The following ADGRB1 variants were observed in gnomAD, a reference collection of about 807,000 sequenced individuals.
ADGRB1 encodes the protein brain-specific angiogenesis inhibitor 1.
Under a neutral mutation model 175.7 loss-of-function variants are expected in ADGRB1, and 36 were observed. The ratio of observed to expected loss-of-function variants is 0.20; its 90% CI spans 0.16 to 0.27. The LOEUF (loss-of-function observed/expected upper bound fraction) is 0.27. Among genes scored for constraint, ADGRB1 ranks in the 10% least tolerant of loss-of-function variants. ADGRB1 has a pLI of 1.00. For synonymous variants in ADGRB1, 1,054 were observed against 979.4 expected (o/e 1.08, Z -1.42); for missense variants, 1,731 against 2,255.3 (o/e 0.77, Z 4.71).
At chr8:142,491,629 G>T (rs945894859) in intron 17 of ADGRB1, among the ~76,000 whole-genome samples, 1 of 152,204 alleles carries the variant, frequency 6.6e-6, no homozygotes, top group Admixed American at 6.5e-5. Context: ...GTGTGTGGTC[G>T]GGGACCTGGG....
chr8:142,539,514 C>G, intron 27 of ADGRB1, 101 bp downstream of exon 27: 1 of 1,400,590 alleles, frequency 7.1e-7, no homozygotes, highest in Non-Finnish European at 9.8e-7. Flanking sequence ...CATCCCTGTC[C>G]ACTCCTGCTG....
At chr8:142,471,432 C>T (rs533362109) in intron 2 of ADGRB1, among the ~76,000 whole-genome samples, 98 of 152,320 alleles carry the variant, frequency 6.4e-4, no homozygotes, top group Middle Eastern at 3.4e-3. Flanking sequence ...TGGGCAGAGA[C>T]TTGTCCAAGG....
chr8:142,464,468 C>A lies in ADGRB1; in HGVS notation c.270C>A (p.Pro90=). ...YTLYMKVAKA[P]VPCSGPGRVR... ...TCTACATGAAGGTGGCCAAGGCGCC[C>A]GTGCCCTGCAGCGGCCCCGGCCGCG... The change falls in exon 2 of 31, where the codon CCC becomes CCA. Residue 90 remains proline (P), a synonymous_variant. Transcript: ENST00000517894. The A allele has an allele frequency of 6.3e-7, 1 of 1,580,988 alleles. No homozygotes were observed. The highest frequency in any genetic ancestry group is 1.4e-5 in the African/African-American group (1 of 73,194).
chr8:142,509,453 T>A (rs1384287723), intron 17 of ADGRB1, among the ~76,000 whole-genome samples: 14 of 151,646 alleles, frequency 9.2e-5, no homozygotes. Flanking sequence ...CGTGTGGGGG[T>A]GGCTCTCCAG....
chr8:142,500,143 G>C (rs939907705), intron 17 of ADGRB1, among the ~76,000 whole-genome samples: 8 of 151,940 alleles, frequency 5.3e-5, no homozygotes, highest in African/African-American at 1.9e-4. Flanking sequence ...GCTGCCGTCC[G>C]GCGCTGCCTG....
Position 142,464,203 on chromosome 8 carries a change from G to T in ADGRB1, c.5G>T (p.Arg2Met). Residue 2 changes from arginine (R) to methionine (M), a missense_variant, in exon 2 of 31, where the codon AGG (arginine) becomes ATG (methionine). Around this residue, in one of 8 missense-constraint regions of ADGRB1, gnomAD observed 383 missense variants for 383.1 expected, o/e 1.00. Transcript: ENST00000517894. M[R>M]GQAAAPGPVW... is the part of the protein sequence containing the mutation. ...CCGGCGGCCCCGCGAGCTAGGATGA[G>T]GGGCCAGGCCGCCGCCCCGGGCCCC... 1 of 1,277,904 alleles carries T rather than the reference G, an allele frequency of 7.8e-7. No homozygotes were observed. Among genetic ancestry groups the T allele is most frequent in the South Asian group, 2.8e-5 (1 of 35,326 alleles). The allele number at this position is 1,277,904 out of a possible 1,614,324, so 79.2% of individuals were successfully genotyped here.
intron 17 of ADGRB1, among the ~76,000 whole-genome samples, chr8:142,508,090 G>A (rs1278052796): frequency 6.6e-6 from 1 of 152,132 alleles, no homozygotes; most frequent in Non-Finnish European, 1.5e-5. Context: ...TCCCACCCGG[G>A]GCCTACAGCT....
rs528170493 is a variant in ADGRB1, at chr8:142,455,317, C to T, written c.-220+5213C>T. 6.6e-6 allele frequency among the ~76,000 whole-genome samples: 1 copy of T among 152,038 alleles called. No homozygotes were observed. The highest frequency in any genetic ancestry group is 2.1e-4 in the South Asian group (1 of 4,816). The stretch of plus-strand genomic sequence containing the variant: ...CTCAGCATGATCGCTGTCACCTTGG[C>T]CCCCACCTTAGGCTCCTGTCCCCTT... On this transcript the variant is annotated intron_variant, in intron 1 of 30. Transcript: ENST00000517894. The surrounding 1 kb of genome is among the most constrained non-coding windows in gnomAD (Gnocchi z 4.9).
At chr8:142,453,937 C>T (rs935701870) in intron 1 of ADGRB1, among the ~76,000 whole-genome samples, 3 of 152,108 alleles carry the variant, frequency 2.0e-5, no homozygotes, top group South Asian at 2.1e-4. Flanking sequence ...GGGCATTGTG[C>T]GGGTGTGAGA....
chr8:142,463,880 G>A (rs1472362256), intron 1 of ADGRB1, 100 bp from the exon 2 acceptor site: 1 of 256,908 alleles, frequency 3.9e-6, no homozygotes, highest in African/African-American at 2.2e-5. Flanking sequence ...GCCCTCGTTG[G>A]TAGCAGGCTA....
At position 142,478,356 on chromosome 8, in the gene ADGRB1, C is replaced by T. The variant is rs746709372; in HGVS notation, c.1557C>T (p.Cys519=). The T allele has an allele frequency of 3.8e-4, 609 of 1,601,504 alleles. No homozygotes were observed. The highest frequency in any genetic ancestry group is 4.7e-4 in the Non-Finnish European group (555 of 1,174,444). The part of the protein sequence containing the change: ...VETRDCFLQQ[C]PVDGKWQAWA... ...CCCGAGACTGCTTCCTGCAGCAGTG[C>T]CCAGGTCAGGGGTGCGCCAGGCTGG... Residue 519 remains cysteine, a synonymous_variant, in exon 7 of 31, where the codon TGC becomes TGT. Transcript: ENST00000517894.
chr8:142,521,845 G>T lies in ADGRB1; in HGVS notation c.3025-120G>T, dbSNP rs1014899789. ...TGGATTGCCTTCTGCCTGGGGACCTGGTTGGGTCCCAGTGAGGGTGCTGGG... is the reference window on the plus strand; with the variant it reads ...TGGATTGCCTTCTGCCTGGGGACCTTGTTGGGTCCCAGTGAGGGTGCTGGG... On this transcript the variant is annotated intron_variant, in intron 20 of 30. Coordinates refer to ENST00000517894, the MANE Select transcript of ADGRB1 (RefSeq NM_001702.3). The T allele has an allele frequency of 2.4e-5, 29 of 1,190,800 alleles. No homozygotes were observed. In the Admixed American group the frequency reaches 6.4e-4, roughly 26 times the overall value. The allele number at this position is 1,190,800 out of a possible 1,614,324, so 73.8% of individuals were successfully genotyped here.
At chr8:142,479,831 C>T (rs1169615800) in intron 9 of ADGRB1, 37 bp downstream of exon 9, 14 of 1,581,570 alleles carry the variant, frequency 8.9e-6, no homozygotes, top group Middle Eastern at 3.4e-4. Flanking sequence ...TGGGGGCTCC[C>T]GTCCTGTCCT....
At position 142,542,281 on chromosome 8, in the gene ADGRB1, C is replaced by T; in HGVS notation, c.4047C>T (p.Pro1349=). The change falls in exon 28 of 31, where the codon CCC becomes CCT. Residue 1349 remains proline, a synonymous_variant. Coordinates refer to ENST00000517894, the MANE Select transcript of ADGRB1 (RefSeq NM_001702.3). This position sits in a 1 kb window ranked among gnomAD's most constrained non-coding sequence, Gnocchi z 6.3. ...TGGACACGAGCTACGTGATCCTGCCCACGGCCACGGCCACGCTGCGGCCCA... is the reference window on the plus strand; with the variant it reads ...TGGACACGAGCTACGTGATCCTGCCTACGGCCACGGCCACGCTGCGGCCCA... The part of the protein sequence containing the change: ...KALDTSYVIL[P]TATATLRPKP... 1.2e-6 allele frequency: 2 copies of T among 1,613,330 alleles called. No individual in the cohort carries two copies. The highest frequency in any genetic ancestry group is 1.7e-6 in the Non-Finnish European group (2 of 1,179,806).
chr8:142,513,449 C>A (rs1242155007), intron 18 of ADGRB1, among the ~76,000 whole-genome samples: 1 of 152,194 alleles, frequency 6.6e-6, no homozygotes, highest in East Asian at 1.9e-4. Context: ...CAAGGGCTGG[C>A]CCCCTTGATG....
At chr8:142,463,598 A>C (rs1038815011) in intron 1 of ADGRB1, among the ~76,000 whole-genome samples, 3 of 152,260 alleles carry the variant, frequency 2.0e-5, no homozygotes, top group African/African-American at 7.2e-5. Flanking sequence ...ACAGAGGGGC[A>C]GCCACGCAGA....
rs1368278225 is a variant in ADGRB1 at position 142,476,998 on chromosome 8, G to A, written c.1058-116G>A. The A allele has an allele frequency of 2.2e-6, 3 of 1,368,176 alleles. No homozygotes were observed. The African/African-American group carries it at 4.4e-5, about 20-fold the overall frequency. The allele number at this position is 1,368,176 out of a possible 1,614,324, so 84.8% of individuals were successfully genotyped here. ...CCTGGTTCGAAGGCCCGGGGGCTCT[G>A]CCCCAGCCCCGCTGCCTGCTCCCCA... On this transcript the variant is annotated intron_variant, in intron 4 of 30. Coordinates refer to ENST00000517894, the MANE Select transcript of ADGRB1 (RefSeq NM_001702.3).
rs549423269 is a variant in ADGRB1 at position 142,472,650 on chromosome 8, TAGC to T, written c.785-2820_785-2818del. Among the ~76,000 whole-genome samples the T allele has an allele frequency of 2.8e-4, 42 of 152,226 alleles. 2 individuals are homozygous for T. In the East Asian group the frequency reaches 7.9e-3, roughly 29 times the overall value. On this transcript the variant is annotated intron_variant, in intron 2 of 30. Coordinates refer to ENST00000517894, the MANE Select transcript of ADGRB1 (RefSeq NM_001702.3). ...ATCAAAAACAAAACAAGAATAAAAA[TAGC>T]AGCTACCATTTTCTCAGTGTTCATT... is the stretch of plus-strand genomic sequence containing the variant.
In ADGRB1 at chr8:142,543,485, C is replaced by G; in HGVS notation, c.4449+47C>G. 13 of 1,611,946 alleles carry G rather than the reference C, an allele frequency of 8.1e-6. No individual in the cohort carries two copies. The highest frequency in any genetic ancestry group is 1.1e-5 in the Non-Finnish European group (13 of 1,178,912). On this transcript the variant is annotated intron_variant, in intron 29 of 30. Coordinates refer to ENST00000517894, the MANE Select transcript of ADGRB1 (RefSeq NM_001702.3). This position sits in a 1 kb window ranked among gnomAD's most constrained non-coding sequence, Gnocchi z 4.4. ...CACCAGACACTTAGGGCCAGATGTGCTCTGGGCTCCCACACGGCCAGGCAG... is the reference window on the plus strand; with the variant it reads ...CACCAGACACTTAGGGCCAGATGTGGTCTGGGCTCCCACACGGCCAGGCAG...
Sources: allele counts gnomAD v4.1 joint callset (sites outside exome capture counted in the v4.1 genomes callset), GRCh38; gene constraint gnomAD v4.1.1; regional missense constraint gnomAD v4.1.1; non-coding constraint Gnocchi (gnomAD v3.1); transcripts MANE v1.5; gene names NCBI Gene and HGNC (gene_info 2026-07-23, HGNC 2026-07-21).